PLA1A: variants seen among roughly 807,000 people sequenced by gnomAD.
PLA1A encodes phosphatidylserine-specific phospholipase A1alpha.
In PLA1A, 47 loss-of-function variants were observed where a neutral mutation model predicts 49.4. The ratio of observed to expected loss-of-function variants is 0.95; its 90% CI spans 0.75 to 1.21. PLA1A has a LOEUF of 1.21. Among genes scored for constraint, PLA1A ranks in the 50% most tolerant of loss-of-function variants. PLA1A has a pLI of 0.00. For synonymous variants in PLA1A, 224 were observed against 207.9 expected, an observed-to-expected ratio of 1.08 and a Z score of -0.67; for missense variants, 561 against 563.9, an observed-to-expected ratio of 0.99 and a Z score of 0.05.
rs1337883523 is a variant in PLA1A at position 119,597,952 on chromosome 3, G to T, written c.39G>T (p.Gly13=). The change falls in exon 1 of 11, where the codon GGG becomes GGT. Residue 13 remains glycine, a synonymous_variant. Coordinates refer to ENST00000273371, the MANE Select transcript of PLA1A (RefSeq NM_015900.4). ...PGPWESCFWV[G]GLILWLSVGS... The stretch of plus-strand genomic sequence containing the variant: ...CCTGGGAGAGCTGCTTCTGGGTGGG[G>T]GGCCTCATTTTGTGGCTCAGCGTTG... 1.9e-6 allele frequency: 3 copies of T among 1,610,816 alleles called. No individual in the cohort carries two copies. In the South Asian group the frequency reaches 3.3e-5, roughly 18 times the overall value.
chr3:119,610,427 T>G (rs1322675468), intron 4 of PLA1A, among the ~76,000 whole-genome samples: 1 of 152,244 alleles, frequency 6.6e-6, no homozygotes, highest in African/African-American at 2.4e-5. Context: ...GCTGAACTTA[T>G]TTACATTCCC....
intron 9 of PLA1A, among the ~76,000 whole-genome samples, chr3:119,625,501 A>G (rs1419545447): frequency 6.6e-6 from 1 of 152,230 alleles, no homozygotes; most frequent in East Asian, 1.9e-4. Context: ...TGGAGAGGAC[A>G]TAGGAATCAG....
At chr3:119,598,785 T>C (rs1037651620) in intron 1 of PLA1A, among the ~76,000 whole-genome samples, 2 of 152,332 alleles carry the variant, frequency 1.3e-5, no homozygotes, top group African/African-American at 4.8e-5. Context: ...ATTTCTGTTC[T>C]TTGCATCTTT....
At chr3:119,612,280 G>A (rs1577143803) in intron 4 of PLA1A, among the ~76,000 whole-genome samples, 1 of 152,182 alleles carries the variant, frequency 6.6e-6, no homozygotes, top group East Asian at 1.9e-4. Context: ...TTTGTAGGGG[G>A]AAGGGAAGGG....
chr3:119,623,177 T>C (rs2107798815), intron 8 of PLA1A, among the ~76,000 whole-genome samples: 1 of 152,178 alleles, frequency 6.6e-6, no homozygotes, highest in South Asian at 2.1e-4. Context: ...GGTCTCCCAC[T>C]GTCACCCAGG....
chr3:119,598,132 A>C (rs562594370), intron 1 of PLA1A, 146 bp downstream of exon 1: 1 of 510,574 alleles, frequency 2.0e-6, no homozygotes. Context: ...GGGGAAAAAA[A>C]CCCCTTTTAT....
chr3:119,599,138 C>T (rs2082580386), intron 1 of PLA1A, among the ~76,000 whole-genome samples: 1 of 152,172 alleles, frequency 6.6e-6, no homozygotes, highest in Non-Finnish European at 1.5e-5. Context: ...GACTGGAATC[C>T]TGGCTCTGTT....
intron 1 of PLA1A, among the ~76,000 whole-genome samples, chr3:119,599,279 T>C (rs1248677565): frequency 6.6e-6 from 1 of 152,162 alleles, no homozygotes; most frequent in Non-Finnish European, 1.5e-5. Context: ...TGCAGTTGCT[T>C]ATTCCTTTGT....
chr3:119,620,210 C>T (rs1370610817), intron 8 of PLA1A: 2 of 453,968 alleles, frequency 4.4e-6, no homozygotes, highest in East Asian at 6.9e-5. Context: ...GCTAAACCGT[C>T]ATCCTTCCCT....
chr3:119,618,965 C>G (rs952231481), intron 7 of PLA1A, among the ~76,000 whole-genome samples: 4 of 152,180 alleles, frequency 2.6e-5, no homozygotes, highest in Non-Finnish European at 4.4e-5. Flanking sequence ...ATTTCCTATT[C>G]ATTGTGCATA....
Position 119,608,933 on chromosome 3 carries a change from C to T in PLA1A, c.439C>T (p.Leu147Phe). The T allele has an allele frequency of 6.2e-7, 1 of 1,613,918 alleles. No individual in the cohort carries two copies. Among genetic ancestry groups the T allele is most frequent in the Middle Eastern group, 1.6e-4 (1 of 6,062 alleles). The change falls in exon 3 of 11, where the codon CTC (leucine) becomes TTC (phenylalanine). Residue 147 changes from leucine to phenylalanine, a missense_variant. Transcript: ENST00000273371. ...IKLSLEISLF[L>F]NKLLVLGVSE... ...GTTGAGCCTCGAGATCTCCCTTTTC[C>T]TCAATAAACTCCTGGTAGGTGCAGA...
chr3:119,622,115 G>A (rs1276166800), intron 8 of PLA1A, among the ~76,000 whole-genome samples: 1 of 148,568 alleles, frequency 6.7e-6, no homozygotes, highest in African/African-American at 2.5e-5. Flanking sequence ...GAAGGAGAAG[G>A]AGAAGGAGAA....
At chr3:119,602,165 G>A (rs1269118284) in intron 1 of PLA1A, among the ~76,000 whole-genome samples, 4 of 152,070 alleles carry the variant, frequency 2.6e-5, no homozygotes, top group Non-Finnish European at 4.4e-5. Flanking sequence ...TTGGTACTTC[G>A]GATATTCTCA....
chr3:119,614,833 G>A (rs182645713), intron 5 of PLA1A, among the ~76,000 whole-genome samples: 1 of 152,254 alleles, frequency 6.6e-6, no homozygotes, highest in Admixed American at 6.5e-5. Context: ...CATTGAATGA[G>A]GTCCCTGCCT....
chr3:119,597,973 C>T lies in PLA1A; in HGVS notation c.60C>T (p.Ser20=), dbSNP rs753731132. 4 of 1,606,688 alleles carry T rather than the reference C, an allele frequency of 2.5e-6. No homozygotes were observed. The highest frequency in any genetic ancestry group is 4.5e-5 in the East Asian group (2 of 44,736). ...FWVGGLILWL[S]VGSSGDAPPT... is the part of the protein sequence containing the mutation. Reference sequence around the variant, plus strand: ...TGGGGGGCCTCATTTTGTGGCTCAGCGTTGGAAGTTCAGGTAAGCCAGGGC... The same window carrying T: ...TGGGGGGCCTCATTTTGTGGCTCAGTGTTGGAAGTTCAGGTAAGCCAGGGC... Residue 20 remains serine (S), a synonymous_variant, in exon 1 of 11, where the codon AGC becomes AGT. Coordinates refer to ENST00000273371, the MANE Select transcript of PLA1A (RefSeq NM_015900.4).
intron 5 of PLA1A, among the ~76,000 whole-genome samples, chr3:119,613,589 G>A (rs1482606960): frequency 2.0e-5 from 3 of 152,154 alleles, no homozygotes; most frequent in African/African-American, 7.2e-5. Flanking sequence ...TCAGTCCAGT[G>A]GAGAATAAGA....
intron 1 of PLA1A, among the ~76,000 whole-genome samples, chr3:119,606,378 T>G (rs1277804166): frequency 2.6e-5 from 4 of 152,218 alleles, no homozygotes; most frequent in Non-Finnish European, 5.9e-5. Flanking sequence ...TTAGACCCAC[T>G]CTGTTGGCCT....
Position 119,605,043 on chromosome 3 carries a change from C to T in PLA1A, c.74-1731C>T, listed in dbSNP as rs2107777887. Among the ~76,000 whole-genome samples the T allele has an allele frequency of 2.0e-5, 3 of 152,318 alleles. No individual in the cohort carries two copies. The Middle Eastern group carries it at 0.01, about 518-fold the overall frequency. On this transcript the variant is annotated intron_variant, in intron 1 of 10. Coordinates refer to ENST00000273371, the MANE Select transcript of PLA1A (RefSeq NM_015900.4). ...ATGGATGCAGGCTGCCCTATATGAA[C>T]AATAGAGCAGAGTGACTCATTAATG...
At position 119,620,128 on chromosome 3, in the gene PLA1A, A is replaced by G. The variant is rs1375534104; in HGVS notation, c.1012+476A>G. 7 of 456,838 alleles carry G rather than the reference A, an allele frequency of 1.5e-5. 1 individual carries two copies. The highest frequency in any genetic ancestry group is 1.1e-4 in the South Asian group (7 of 64,572). 28.3% of individuals were successfully genotyped at this position (456,838 alleles called of 1,614,324 possible). On this transcript the variant is annotated intron_variant, in intron 8 of 10. Transcript: ENST00000273371. ...CTAACCATGGCATTTCCTTGAAGCTAGGATGCTGGTGATTGTAACGATGTT... is the reference window on the plus strand; with the variant it reads ...CTAACCATGGCATTTCCTTGAAGCTGGGATGCTGGTGATTGTAACGATGTT...
Sources: gnomAD v4.1 joint callset for allele counts (sites outside exome capture counted in the v4.1 genomes callset) on GRCh38, gnomAD v4.1.1 for gene constraint, MANE v1.5 for transcripts, NCBI Gene and HGNC (gene_info 2026-07-23, HGNC 2026-07-21) for gene names.